The following NUBPL variants were observed in gnomAD, a reference collection of about 807,000 sequenced individuals.
NUBPL encodes NUBP iron-sulfur cluster assembly factor, mitochondrial.
In NUBPL, 31 loss-of-function variants were observed where a neutral mutation model predicts 45.7. The ratio of observed to expected loss-of-function variants is 0.68; its 90% confidence interval spans 0.51 to 0.92. The LOEUF is 0.92. NUBPL is among the 40% of genes least tolerant of loss of function. NUBPL has a pLI of 0.00. For synonymous variants in NUBPL, 144 were observed against 140.9 expected (o/e 1.02, Z -0.15); for missense variants, 401 against 398.7 (o/e 1.01, Z -0.05).
intron 4 of NUBPL, among the ~76,000 whole-genome samples, chr14:31,606,498 G>A (rs1204552225): frequency 6.6e-6 from 1 of 152,080 alleles, no homozygotes; most frequent in Non-Finnish European, 1.5e-5. Flanking sequence ...GAGATCTAGG[G>A]GTGTTGCTGA....
intron 4 of NUBPL, among the ~76,000 whole-genome samples, chr14:31,644,369 AG>A (rs1398011082): frequency 1.3e-5 from 2 of 152,062 alleles, no homozygotes; most frequent in East Asian, 3.9e-4. Flanking sequence ...CAGTTGTTTC[AG>A]GAAATTTTTA....
At chr14:31,807,012 A>G (rs1394925375) in intron 7 of NUBPL, among the ~76,000 whole-genome samples, 1 of 151,952 alleles carries the variant, frequency 6.6e-6, no homozygotes, top group African/African-American at 2.4e-5. Flanking sequence ...TTCTTAATCC[A>G]GTCTATCACT....
intron 4 of NUBPL, among the ~76,000 whole-genome samples, chr14:31,660,218 T>G (rs375742013): frequency 6.6e-6 from 1 of 151,540 alleles, no homozygotes; most frequent in Non-Finnish European, 1.5e-5. Flanking sequence ...CACTTTCTAG[T>G]CTTTACTTAC....
chr14:31,656,582 G>A (rs1291680862), intron 4 of NUBPL, among the ~76,000 whole-genome samples: 1 of 152,128 alleles, frequency 6.6e-6, no homozygotes, highest in Non-Finnish European at 1.5e-5. Flanking sequence ...CCTGAGGAGA[G>A]AGAGAGAGAG....
chr14:31,757,992 A>G (rs2038709933), intron 6 of NUBPL, among the ~76,000 whole-genome samples: 1 of 152,056 alleles, frequency 6.6e-6, no homozygotes, highest in African/African-American at 2.4e-5. Flanking sequence ...TTAGATCATT[A>G]GTGTTTATTT....
chr14:31,705,465 A>T (rs563497236), intron 6 of NUBPL, among the ~76,000 whole-genome samples: 1 of 152,014 alleles, frequency 6.6e-6, no homozygotes, highest in Non-Finnish European at 1.5e-5. Context: ...TTTTATAGAG[A>T]GCTGATTGGT....
chr14:31,785,099 T>C (rs2039261043), intron 6 of NUBPL, among the ~76,000 whole-genome samples: 1 of 152,166 alleles, frequency 6.6e-6, no homozygotes, highest in Non-Finnish European at 1.5e-5. Flanking sequence ...TCTTTCTCCT[T>C]ACTCTACACC....
At chr14:31,727,901 G>A (rs190105207) in intron 6 of NUBPL, among the ~76,000 whole-genome samples, 44 of 152,194 alleles carry the variant, frequency 2.9e-4, no homozygotes, top group African/African-American at 1.1e-3. Flanking sequence ...GCTGGGAACT[G>A]TTGCATTTTA....
At chr14:31,658,184 G>A (rs1186812135) in intron 4 of NUBPL, among the ~76,000 whole-genome samples, 2 of 152,172 alleles carry the variant, frequency 1.3e-5, no homozygotes, top group Non-Finnish European at 2.9e-5. Flanking sequence ...TCAACTGTGT[G>A]TTATCTATTA....
At chr14:31,660,836 A>T (rs890442155) in intron 4 of NUBPL, among the ~76,000 whole-genome samples, 22 of 152,204 alleles carry the variant, frequency 1.4e-4, no homozygotes, top group Non-Finnish European at 2.8e-4. Flanking sequence ...TACCAAGTAC[A>T]TGGTGACATC....
chr14:31,714,158 A>G (rs190609051), intron 6 of NUBPL, among the ~76,000 whole-genome samples: 14 of 152,292 alleles, frequency 9.2e-5, no homozygotes, highest in African/African-American at 2.4e-4. Flanking sequence ...GATAGCCTCT[A>G]TGTAAGATGT....
chr14:31,688,910 G>A (rs574028771), intron 6 of NUBPL, among the ~76,000 whole-genome samples: 2 of 152,058 alleles, frequency 1.3e-5, no homozygotes, highest in South Asian at 2.1e-4. Flanking sequence ...GTGAAAACAC[G>A]TGGTATTTGG....
intron 7 of NUBPL, chr14:31,801,223 T>G (rs952169563): frequency 6.6e-6 from 1 of 152,234 alleles, no homozygotes; most frequent in African/African-American, 2.4e-5. Context: ...CAGTCTCATC[T>G]CCTTTTGTCC....
At chr14:31,756,866 A>AT in intron 6 of NUBPL, among the ~76,000 whole-genome samples, 1 of 149,748 alleles carries the variant, frequency 6.7e-6, no homozygotes, top group Non-Finnish European at 1.5e-5. Flanking sequence ...TTATTTTGAG[A>AT]TACGTCCCAT....
At chr14:31,647,160 A>G (rs148823311) in intron 4 of NUBPL, among the ~76,000 whole-genome samples, 2 of 152,148 alleles carry the variant, frequency 1.3e-5, no homozygotes, top group African/African-American at 2.4e-5. Flanking sequence ...GCTATTTTGA[A>G]TTCTCGGTCA....
intron 6 of NUBPL, among the ~76,000 whole-genome samples, chr14:31,687,747 A>T (rs1411530343): frequency 6.6e-6 from 1 of 152,244 alleles, no homozygotes; most frequent in Non-Finnish European, 1.5e-5. Context: ...AACCTTGAAT[A>T]ACACCATGGG....
intron 4 of NUBPL, among the ~76,000 whole-genome samples, chr14:31,664,207 C>T (rs1052907398): frequency 2.6e-5 from 4 of 152,124 alleles, no homozygotes; most frequent in Admixed American, 2.0e-4. Flanking sequence ...TCCTCTCTTC[C>T]TATTTGAATA....
intron 7 of NUBPL, among the ~76,000 whole-genome samples, chr14:31,791,038 G>A (rs1331401951): frequency 6.6e-6 from 1 of 152,130 alleles, no homozygotes; most frequent in Non-Finnish European, 1.5e-5. Context: ...GGAGGCCGAG[G>A]CAGGAGGATC....
At chr14:31,787,387 TA>T (rs533853510) in intron 6 of NUBPL, among the ~76,000 whole-genome samples, 55 of 152,142 alleles carry the variant, frequency 3.6e-4, no homozygotes, top group African/African-American at 1.3e-3. Context: ...ATAATAAACT[TA>T]AAAAAATTAT....
Sources: gnomAD v4.1 joint callset for allele counts (sites outside exome capture counted in the v4.1 genomes callset) on GRCh38, gnomAD v4.1.1 for gene constraint, MANE v1.5 for transcripts, NCBI Gene and HGNC (gene_info 2026-07-23, HGNC 2026-07-21) for gene names.